Variants in PI4K2B observed in about 807,000 individuals in gnomAD.
The protein encoded by PI4K2B is phosphatidylinositol 4-kinase type 2-beta.
A neutral mutation model predicts 56.6 loss-of-function variants in PI4K2B; 46 were observed. The ratio of observed to expected loss-of-function variants is 0.81; its 90% CI spans 0.64 to 1.04. The LOEUF is 1.04. Ranked by LOEUF, PI4K2B falls within the 50% of genes least tolerant of loss-of-function variation. The pLI is 0.00. For synonymous variants in PI4K2B, 211 were observed against 223.8 expected (o/e 0.94, Z 0.51); for missense variants, 556 against 607.7 (o/e 0.91, Z 0.89).
intron 4 of PI4K2B, among the ~76,000 whole-genome samples, chr4:25,258,058 A>G (rs1716318271): frequency 6.6e-6 from 1 of 152,204 alleles, no homozygotes; most frequent in South Asian, 2.1e-4. Context: ...ATTGTTTACT[A>G]TTAACTAGTA....
chr4:25,272,539 T>A (rs313535), intron 9 of PI4K2B, among the ~76,000 whole-genome samples: 1 of 151,996 alleles, frequency 6.6e-6, no homozygotes, highest in Non-Finnish European at 1.5e-5. Context: ...TGGTGGCTCA[T>A]GGCTGTTGTC....
chr4:25,267,880 T>C, intron 7 of PI4K2B: 1 of 983,876 alleles, frequency 1.0e-6, no homozygotes, highest in South Asian at 4.7e-5. Context: ...AAGTGGTCAA[T>C]TTCTGATGAT....
chr4:25,260,338 A>G (rs1716412770), intron 5 of PI4K2B, among the ~76,000 whole-genome samples, 186 bp from the exon 6 acceptor site: 1 of 151,376 alleles, frequency 6.6e-6, no homozygotes, highest in South Asian at 2.1e-4. Context: ...TATTCAATAA[A>G]TGTTAGCTCA....
Position 25,235,130 on chromosome 4 carries a change from TA to T in PI4K2B, c.268+700del, listed in dbSNP as rs146207321. On this transcript the variant is annotated intron_variant, in intron 1 of 9. Coordinates refer to ENST00000264864, the MANE Select transcript of PI4K2B (RefSeq NM_018323.4). ...GGTATGCTGTGCAGGCCTGGATATT[TA>T]TTAATAAAGTGAGTTTTTCTGGCGT... Among the ~76,000 whole-genome samples the T allele has an allele frequency of 9.7e-4, 147 of 151,880 alleles. 1 individual carries two copies. Among genetic ancestry groups the T allele is most frequent in the African/African-American group, 2.9e-3 (118 of 41,136 alleles).
At chr4:25,247,261 T>C (rs1309702645) in intron 1 of PI4K2B, among the ~76,000 whole-genome samples, 2 of 152,280 alleles carry the variant, frequency 1.3e-5, no homozygotes, top group East Asian at 3.8e-4. Context: ...CCATGTGTTT[T>C]GACCATTTTC....
At chr4:25,262,608 CT>C (rs1351859655) in intron 6 of PI4K2B, among the ~76,000 whole-genome samples, 2 of 152,176 alleles carry the variant, frequency 1.3e-5, no homozygotes, top group Non-Finnish European at 2.9e-5. Flanking sequence ...GGCCATCTAT[CT>C]TTAATCAGAA....
In PI4K2B at chr4:25,237,461, A is replaced by C. The variant is rs375779969; in HGVS notation, c.268+3030A>C. On this transcript the variant is annotated intron_variant, in intron 1 of 9. Coordinates refer to ENST00000264864, the MANE Select transcript of PI4K2B (RefSeq NM_018323.4). ...GTAATCTCGGCTAACTGCAACCTCCACTCCCCAGGTTCAAGCGATTCTCCT... is the reference window on the plus strand; with the variant it reads ...GTAATCTCGGCTAACTGCAACCTCCCCTCCCCAGGTTCAAGCGATTCTCCT... 1.2e-3 allele frequency among the ~76,000 whole-genome samples: 180 copies of C among 151,236 alleles called. 2 individuals are homozygous for C. The South Asian group carries it at 0.022, about 18-fold the overall frequency.
chr4:25,236,360 G>A (rs1273789032), intron 1 of PI4K2B, among the ~76,000 whole-genome samples: 1 of 152,048 alleles, frequency 6.6e-6, no homozygotes, highest in Admixed American at 6.5e-5. Flanking sequence ...AGACCAGCCT[G>A]GCCAACATGG....
At position 25,240,921 on chromosome 4, in the gene PI4K2B, CTCTT is replaced by C. The variant is rs375456353; in HGVS notation, c.268+6496_268+6499del. Among the ~76,000 whole-genome samples the C allele has an allele frequency of 1.8e-4, 28 of 152,268 alleles. 1 individual carries two copies. In the East Asian group the frequency reaches 4.3e-3, roughly 23 times the overall value. On this transcript the variant is annotated intron_variant, in intron 1 of 9. Coordinates refer to ENST00000264864, the MANE Select transcript of PI4K2B (RefSeq NM_018323.4). Reference sequence around the variant, plus strand: ...TGTCTCTCTGTCTCTTCCTCTCTGTCTCTTTCTTTGACTTCCTGTCTCTTTCCTT... The same window carrying C: ...TGTCTCTCTGTCTCTTCCTCTCTGTCTCTTTGACTTCCTGTCTCTTTCCTT...
At chr4:25,237,861 T>A (rs906174568) in intron 1 of PI4K2B, among the ~76,000 whole-genome samples, 3 of 152,128 alleles carry the variant, frequency 2.0e-5, no homozygotes, top group African/African-American at 7.2e-5. Context: ...TACTCCAGCC[T>A]GGGTTACAGA....
At position 25,276,997 on chromosome 4, in the gene PI4K2B, C is replaced by G. The variant is rs1717124495; in HGVS notation, c.1273-17C>G. ...TTTATCTTTTTAAATTGGTAAAAAT[C>G]TCTCTTCTTCCCACAGATCTTAAAC... On this transcript the variant is annotated splice_polypyrimidine_tract_variant and intron_variant, in intron 9 of 9. Transcript: ENST00000264864. 4 of 1,510,402 alleles carry G rather than the reference C, an allele frequency of 2.6e-6. No homozygotes were observed. The highest frequency in any genetic ancestry group is 2.8e-5 in the African/African-American group (2 of 72,394). The allele number at this position is 1,510,402 out of a possible 1,614,324, so 93.6% of individuals were successfully genotyped here.
Position 25,234,743 on chromosome 4 carries a change from G to A in PI4K2B, c.268+312G>A, listed in dbSNP as rs539628422. Reference sequence around the variant, plus strand: ...GGAGAGGTTAACGCTGTAAAATGACGTAAGTCCTTGCTCAAGTTTGGACTT... The same window carrying A: ...GGAGAGGTTAACGCTGTAAAATGACATAAGTCCTTGCTCAAGTTTGGACTT... On this transcript the variant is annotated intron_variant, in intron 1 of 9. Coordinates refer to ENST00000264864, the MANE Select transcript of PI4K2B (RefSeq NM_018323.4). Among the ~76,000 whole-genome samples the A allele has an allele frequency of 2.6e-5, 4 of 152,348 alleles. No homozygotes were observed. In the South Asian group the frequency reaches 8.3e-4, roughly 32 times the overall value.
chr4:25,270,650 C>T (rs1298046169), intron 9 of PI4K2B, among the ~76,000 whole-genome samples: 3 of 152,118 alleles, frequency 2.0e-5, no homozygotes, highest in Non-Finnish European at 2.9e-5. Context: ...CCAGCCCCTC[C>T]TCACCTTTAG....
intron 8 of PI4K2B, 52 bp from the exon 9 acceptor site, chr4:25,269,092 A>G: frequency 9.9e-7 from 1 of 1,014,142 alleles, no homozygotes; most frequent in Non-Finnish European, 1.5e-6. Flanking sequence ...GTTTTCAAAT[A>G]TTTATATCAA....
chr4:25,258,580 A>G (rs1288504486), intron 4 of PI4K2B: 1 of 260,188 alleles, frequency 3.8e-6, no homozygotes, highest in Non-Finnish European at 6.0e-6. Context: ...AAAAAAAAAA[A>G]ATGAAAAAAA....
intron 9 of PI4K2B, among the ~76,000 whole-genome samples, chr4:25,273,436 GA>G (rs1270691617): frequency 1.3e-5 from 2 of 152,148 alleles, no homozygotes; most frequent in African/African-American, 4.8e-5. Context: ...TGACATTAAA[GA>G]AAGTGAAACT....
Position 25,252,468 on chromosome 4 carries a change from C to G in PI4K2B, c.416C>G (p.Pro139Arg), listed in dbSNP as rs1396337551. 1 of 1,606,090 alleles carries G rather than the reference C, an allele frequency of 6.2e-7. No individual in the cohort carries two copies. The highest frequency in any genetic ancestry group is 1.3e-5 in the African/African-American group (1 of 74,738). ...GSSGSYFVKD[P>R]KRKIIGVFKP... ...AGTGGAAGTTACTTTGTGAAGGATC[C>G]TAAGAGGGTGAGAATTTCACAGACC... is the stretch of plus-strand genomic sequence containing the variant. Residue 139 changes from proline (P) to arginine (R), a missense_variant, in exon 2 of 10, where the codon CCT becomes CGT. Pro to Arg is a moderately radical substitution (Grantham distance 103). Transcript: ENST00000264864.
rs528322023 is a variant in PI4K2B, at chr4:25,269,355, G to A, written c.1272+152G>A. ...AGATTATTAGAAATGAAGTTGATTCGGCCGACTGCAGTGGCTCACGCCTGT... is the reference window on the plus strand; with the variant it reads ...AGATTATTAGAAATGAAGTTGATTCAGCCGACTGCAGTGGCTCACGCCTGT... On this transcript the variant is annotated intron_variant, in intron 9 of 9. Coordinates refer to ENST00000264864, the MANE Select transcript of PI4K2B (RefSeq NM_018323.4). 17 of 553,752 alleles carry A rather than the reference G, an allele frequency of 3.1e-5. No individual in the cohort carries two copies. In the East Asian group the frequency reaches 4.2e-4, roughly 14 times the overall value. The allele number at this position is 553,752 out of a possible 1,614,324, so 34.3% of individuals were successfully genotyped here.
intron 4 of PI4K2B, chr4:25,258,341 G>A: frequency 6.6e-6 from 1 of 150,474 alleles, no homozygotes; most frequent in East Asian, 2.0e-4. Context: ...CTGAGTAGCT[G>A]GGACTACAGG....
Sources: allele counts gnomAD v4.1 joint callset (sites outside exome capture counted in the v4.1 genomes callset), GRCh38; gene constraint gnomAD v4.1.1; transcripts MANE v1.5; gene names NCBI Gene and HGNC (gene_info 2026-07-23, HGNC 2026-07-21).